LZTS2: variants seen among roughly 807,000 people sequenced by gnomAD.
The protein encoded by LZTS2 is leucine zipper putative tumor suppressor 2.
A neutral mutation model predicts 60.6 loss-of-function variants in LZTS2; 32 were observed. The ratio of observed to expected loss-of-function variants is 0.53; its 90% confidence interval spans 0.40 to 0.71. The LOEUF (loss-of-function observed/expected upper bound fraction) is 0.71, where lower values mean the gene tolerates loss of function less well. Among genes scored for constraint, LZTS2 ranks in the 30% least tolerant of loss-of-function variants. The pLI is 0.00. For synonymous variants in LZTS2, 360 were observed against 393.1 expected, an observed-to-expected ratio of 0.92 and a Z score of 1.00; for missense variants, 792 against 901.9, an observed-to-expected ratio of 0.88 and a Z score of 1.56.
upstream of LZTS2, among the ~76,000 whole-genome samples, chr10:100,997,906 G>A (rs1207921348): frequency 6.6e-6 from 1 of 152,214 alleles, no homozygotes; most frequent in Non-Finnish European, 1.5e-5. Flanking sequence ...CAGGGCTGGG[G>A]TTAACTCGGG....
At chr10:101,002,980 G>A in intron 1 of LZTS2, 34 bp downstream of exon 2, 1 of 1,565,930 alleles carries the variant, frequency 6.4e-7, no homozygotes, top group Non-Finnish European at 8.6e-7. Flanking sequence ...GGCCTGGGTA[G>A]AACGGGAGTC....
At chr10:101,007,598 G>A (rs1298015422) in exon 4 of LZTS2, 1 of 1,279,942 alleles carries the variant, frequency 7.8e-7, no homozygotes, top group East Asian at 5.9e-5. Flanking sequence ...GGGGGACAGG[G>A]CCGGGCCTGG....
At chr10:101,002,500 G>T in exon 1 of LZTS2, 1 of 1,494,752 alleles carries the variant, frequency 6.7e-7, no homozygotes, top group Non-Finnish European at 8.9e-7. Context: ...CTTACAGGTC[G>T]CCTGCGAGGC....
exon 1 of LZTS2, chr10:101,000,683 C>G (rs1182139640): frequency 6.6e-6 from 1 of 152,354 alleles, no homozygotes; most frequent in Non-Finnish European, 1.5e-5. Context: ...GGTGCCAGCC[C>G]CCTTGGCCCC....
chr10:101,005,538 A>G, exon 3 of LZTS2: 1 of 1,607,770 alleles, frequency 6.2e-7, no homozygotes, highest in South Asian at 1.1e-5. Context: ...CACAGCGGGC[A>G]CAGCGGGCCC....
intron 2 of LZTS2, among the ~76,000 whole-genome samples, 158 bp from the exon 4 acceptor site, chr10:101,005,300 T>G (rs1027908487): frequency 1.3e-5 from 2 of 152,238 alleles, no homozygotes; most frequent in African/African-American, 4.8e-5. Flanking sequence ...TTTGTTTCTA[T>G]GATCATCATA....
In LZTS2 at chr10:101,002,684, G is replaced by A; in HGVS notation, c.146G>A (p.Gly49Asp). ...GGGCCAGCTCCTCCCCGCCACCACG[G>A]CCCTCCTGGGCCCACCTTCTTCCGC... Residue 49 changes from glycine to aspartate, a missense_variant, in exon 1 of 4, where the codon GGC (glycine) becomes GAC (aspartate). Coordinates refer to ENST00000370220, the Ensembl canonical transcript of LZTS2. The A allele has an allele frequency of 1.9e-6, 3 of 1,609,510 alleles. No individual in the cohort carries two copies. The highest frequency in any genetic ancestry group is 2.5e-6 in the Non-Finnish European group (3 of 1,177,666).
chr10:101,002,195 G>C (rs1351508818), exon 1 of LZTS2: 1 of 215,188 alleles, frequency 4.6e-6, no homozygotes, highest in Non-Finnish European at 9.1e-6. Context: ...CCTCTGTGGA[G>C]GATGCAGGAT....
At chr10:101,004,578 G>A (rs1852128444) in intron 2 of LZTS2, among the ~76,000 whole-genome samples, 1 of 152,188 alleles carries the variant, frequency 6.6e-6, no homozygotes, top group African/African-American at 2.4e-5. Flanking sequence ...ACTCCAGCCT[G>A]GGCGACAGAG....
chr10:101,001,243 T>G (rs900202032), exon 1 of LZTS2: 2 of 152,292 alleles, frequency 1.3e-5, no homozygotes, highest in African/African-American at 4.8e-5. Context: ...AATTCACTTG[T>G]TAGATCCACA....
Position 101,005,691 on chromosome 10 carries a change from G to A in LZTS2, c.1302G>A (p.Pro434=), listed in dbSNP as rs144423222. 2.6e-4 allele frequency: 408 copies of A among 1,587,992 alleles called. 5 individuals are homozygous for A. The South Asian group carries it at 4.0e-3, about 15-fold the overall frequency. Residue 434 remains proline (P), a synonymous_variant, in exon 3 of 4, where the codon CCG becomes CCA. Transcript: ENST00000370220. ...AGCGGGAGCAGCGGGAGCTCGGGCCGAGGCTTGAGGAGACCAAGTGGGAGG... is the reference window on the plus strand; with the variant it reads ...AGCGGGAGCAGCGGGAGCTCGGGCCAAGGCTTGAGGAGACCAAGTGGGAGG...
At chr10:101,005,631 G>A (rs1217655120) in exon 3 of LZTS2, 1 of 1,610,930 alleles carries the variant, frequency 6.2e-7, no homozygotes, top group East Asian at 2.2e-5. Flanking sequence ...TGCTGCAGGA[G>A]CGCGAACAGC....
chr10:101,002,469 G>C, exon 1 of LZTS2: 4 of 1,449,472 alleles, frequency 2.8e-6, no homozygotes, highest in Non-Finnish European at 9.2e-7. Context: ...AAGGTGGAGG[G>C]ACTCTGACAC....
upstream of LZTS2, chr10:100,996,969 CTT>C (rs1045259269): frequency 1.3e-5 from 2 of 152,650 alleles, no homozygotes; most frequent in African/African-American, 4.8e-5. Flanking sequence ...TCGAGTCACT[CTT>C]AGGCTGGGCA....
chr10:101,007,817 A>AAT (rs1564820553), exon 4 of LZTS2: 2 of 287,118 alleles, frequency 7.0e-6, no homozygotes, highest in African/African-American at 4.9e-5. Context: ...ATTAAAAAAA[A>AAT]TTTTTTTGTT....
At position 101,005,149 on chromosome 10, in the gene LZTS2, G is replaced by A. The variant is rs113409573; in HGVS notation, c.1069-309G>A. 5.3e-3 allele frequency among the ~76,000 whole-genome samples: 802 copies of A among 152,216 alleles called. 12 individuals are homozygous for A. Among genetic ancestry groups the A allele is most frequent in the African/African-American group, 0.018 (741 of 41,530 alleles). On this transcript the variant is annotated intron_variant, in intron 2 of 3. Coordinates refer to ENST00000370220, the Ensembl canonical transcript of LZTS2. ...CTCCCAAGTAGCTGAGACTACAGGC[G>A]CATGCCACCACACCAAGCTAATTTT... is the stretch of plus-strand genomic sequence containing the variant.
chr10:101,003,355 C>G, intron 1 of LZTS2, 152 bp from the exon 3 acceptor site: 1 of 708,990 alleles, frequency 1.4e-6, no homozygotes. Flanking sequence ...TTGCTTGACA[C>G]AAAGCTGACA....
intron 2 of LZTS2, among the ~76,000 whole-genome samples, chr10:101,004,917 C>T (rs531330207): frequency 6.6e-6 from 1 of 152,170 alleles, no homozygotes; most frequent in Non-Finnish European, 1.5e-5. Context: ...AAGCTGGTCG[C>T]GAACCCCTGG....
At chr10:100,997,954 C>G (rs1188412190), upstream of LZTS2, among the ~76,000 whole-genome samples, 4 of 152,306 alleles carry the variant, frequency 2.6e-5, no homozygotes, top group South Asian at 2.1e-4. Flanking sequence ...TTCTTGGTGT[C>G]TGCATCCCTG....
Sources: gnomAD v4.1 joint callset for allele counts (sites outside exome capture counted in the v4.1 genomes callset) on GRCh38, gnomAD v4.1.1 for gene constraint, MANE v1.5 for transcripts, NCBI Gene and HGNC (gene_info 2026-07-23, HGNC 2026-07-21) for gene names.